Variants in BLTP1 observed in about 807,000 individuals in gnomAD.
The protein encoded by BLTP1 is fragile site-associated protein.
the BLTP1 span, chr4:122,351,153 C>A: frequency 3.0e-6 from 1 of 337,370 alleles, no homozygotes; most frequent in Non-Finnish European, 4.2e-6. Context: ...GTGGCTTTCA[C>A]TAGGATGATA....
the BLTP1 span, among the ~76,000 whole-genome samples, chr4:122,288,866 TAAAA>T: frequency 1.3e-5 from 2 of 152,036 alleles, no homozygotes. Context: ...CTACTGTTAT[TAAAA>T]AACAAAAAAC....
the BLTP1 span, chr4:122,281,763 A>G: frequency 1.3e-6 from 2 of 1,545,290 alleles, no homozygotes; most frequent in Non-Finnish European, 1.7e-6. Context: ...ATGAGAAGTC[A>G]TGGAATGACA....
the BLTP1 span, chr4:122,239,546 T>C: frequency 1.3e-6 from 2 of 1,597,112 alleles, no homozygotes; most frequent in Non-Finnish European, 1.7e-6. Flanking sequence ...GAAACAGCCC[T>C]GTGTCTCCTA....
the BLTP1 span, chr4:122,269,771 A>G: frequency 1.7e-4 from 123 of 712,112 alleles, 2 homozygotes; most frequent in Non-Finnish European, 4.5e-5. Flanking sequence ...TGAGTCTGGC[A>G]TGTAGTAAGT....
At chr4:122,171,572 T>G in the BLTP1 span, among the ~76,000 whole-genome samples, 1 of 152,170 alleles carries the variant, frequency 6.6e-6, no homozygotes, top group South Asian at 2.1e-4. Flanking sequence ...GTTTTTATTC[T>G]TTTCCTTTTA....
chr4:122,261,678 T>C, the BLTP1 span: 2 of 984,976 alleles, frequency 2.0e-6, no homozygotes, highest in Non-Finnish European at 2.4e-6. Flanking sequence ...GTTAGGTAGA[T>C]GGGTTAAAAA....
chr4:122,303,346 T>G, the BLTP1 span, among the ~76,000 whole-genome samples: 1 of 152,172 alleles, frequency 6.6e-6, no homozygotes, highest in South Asian at 2.1e-4. Flanking sequence ...TTTAAAAATA[T>G]TACTGCTCAC....
chr4:122,240,433 C>G, the BLTP1 span: 1 of 1,240,596 alleles, frequency 8.1e-7, no homozygotes, highest in Non-Finnish European at 1.1e-6. Flanking sequence ...CATAATTACT[C>G]TCATTCTTTT....
At chr4:122,318,518 G>A in the BLTP1 span, among the ~76,000 whole-genome samples, 2 of 152,132 alleles carry the variant, frequency 1.3e-5, no homozygotes, top group Non-Finnish European at 2.9e-5. Flanking sequence ...TCAAACCTAG[G>A]TTGTAGGACT....
At chr4:122,173,563 A>G in the BLTP1 span, among the ~76,000 whole-genome samples, 1 of 152,182 alleles carries the variant, frequency 6.6e-6, no homozygotes, top group African/African-American at 2.4e-5. Flanking sequence ...TTTCAACGTG[A>G]GTTTTAGAGG....
the BLTP1 span, chr4:122,189,748 T>A: frequency 5.7e-6 from 5 of 878,944 alleles, no homozygotes; most frequent in African/African-American, 7.3e-5. Flanking sequence ...TTTTTCTTCT[T>A]GAAGTAATTT....
the BLTP1 span, chr4:122,249,530 A>G: frequency 7.4e-6 from 12 of 1,613,654 alleles, no homozygotes; most frequent in East Asian, 2.5e-4. Context: ...GAGAAGTCCA[A>G]AGTTTTATTT....
the BLTP1 span, among the ~76,000 whole-genome samples, chr4:122,267,898 GTTTC>G: frequency 6.6e-6 from 1 of 152,032 alleles, no homozygotes; most frequent in African/African-American, 2.4e-5. Flanking sequence ...CTGTAGTATT[GTTTC>G]TTTCATCCTT....
chr4:122,224,417 C>A, the BLTP1 span: 2 of 1,407,586 alleles, frequency 1.4e-6, no homozygotes, highest in Non-Finnish European at 1.9e-6. Context: ...TTCATCTCTG[C>A]AGGGGGTGTG....
At chr4:122,172,425 T>A in the BLTP1 span, 1 of 460,126 alleles carries the variant, frequency 2.2e-6, no homozygotes. Context: ...AACCATATAC[T>A]TTCATTAAAA....
At chr4:122,360,175 C>T in the BLTP1 span, 2 of 372,108 alleles carry the variant, frequency 5.4e-6, no homozygotes, top group African/African-American at 4.4e-5. Context: ...CCTGCAGCAT[C>T]ACAGTGCCCC....
chr4:122,301,471 T>C, the BLTP1 span: 1 of 788,360 alleles, frequency 1.3e-6, no homozygotes, highest in Non-Finnish European at 1.9e-6. Flanking sequence ...AGAAAATTTG[T>C]ATCTTACATA....
the BLTP1 span, among the ~76,000 whole-genome samples, chr4:122,251,813 C>T: frequency 6.6e-6 from 1 of 152,150 alleles, no homozygotes; most frequent in African/African-American, 2.4e-5. Context: ...CTTGGCTCTT[C>T]CTTTCTTCTT....
the BLTP1 span, among the ~76,000 whole-genome samples, chr4:122,308,973 AT>A: frequency 6.6e-6 from 1 of 152,114 alleles, no homozygotes; most frequent in African/African-American, 2.4e-5. Flanking sequence ...TAGGAAGGCC[AT>A]AAACACCACA....
Sources: allele counts gnomAD v4.1 joint callset (sites outside exome capture counted in the v4.1 genomes callset), GRCh38; gene constraint gnomAD v4.1.1; transcripts MANE v1.5; gene names NCBI Gene and HGNC (gene_info 2026-07-23, HGNC 2026-07-21).